Variants in PDK3 observed in about 807,000 individuals in gnomAD.
PDK3 encodes the protein pyruvate dehydrogenase kinase, isozyme 3.
A neutral mutation model predicts 32.0 loss-of-function variants in PDK3; 12 were observed. That is an observed-to-expected ratio of 0.37 (90% CI 0.24 to 0.61). The LOEUF (loss-of-function observed/expected upper bound fraction) is 0.61, where lower values mean the gene tolerates loss of function less well. Ranked by LOEUF, PDK3 falls within the 20% of genes least tolerant of loss-of-function variation. The pLI, the probability that PDK3 is intolerant of heterozygous loss-of-function variation, is 0.65. For missense variants in PDK3, 188 were observed against 316.9 expected (o/e 0.59, Z 3.09); for synonymous variants, 122 against 116.3 (o/e 1.05, Z -0.31).
chrX:24,522,927 A>T (rs1922433719), intron 6 of PDK3, among the ~76,000 whole-genome samples: 1 of 111,197 alleles, frequency 9.0e-6, no homozygotes, highest in South Asian at 3.8e-4. Flanking sequence ...AGAGGGGAAA[A>T]AAAGAAATAA....
chrX:24,466,517 T>C (rs1360022023), intron 1 of PDK3, among the ~76,000 whole-genome samples: 1 of 112,141 alleles, frequency 8.9e-6, no homozygotes, highest in Non-Finnish European at 1.9e-5. Flanking sequence ...ATTTAATGAA[T>C]TTTATGTAAA....
intron 1 of PDK3, among the ~76,000 whole-genome samples, chrX:24,483,731 G>T (rs1373997560): frequency 9.0e-6 from 1 of 111,575 alleles, no homozygotes. Context: ...GTGTGTATGT[G>T]ACACAGGCTC....
exon 12 of PDK3, chrX:24,539,932 T>C (rs1361668762): frequency 8.9e-6 from 1 of 112,432 alleles, no homozygotes; most frequent in Non-Finnish European, 1.9e-5. Context: ...GGAGTTTTTA[T>C]GCTTCTGTCA....
At chrX:24,483,974 A>G (rs1308130594) in intron 1 of PDK3, among the ~76,000 whole-genome samples, 1 of 109,730 alleles carries the variant, frequency 9.1e-6, no homozygotes, top group Non-Finnish European at 1.9e-5. Context: ...CCGGCCTACC[A>G]CTGGGATTAC....
At position 24,465,382 on chromosome X, in the gene PDK3, C is replaced by T. The variant is rs1357904640; in HGVS notation, c.-74C>T. 5.2e-6 allele frequency: 4 copies of T among 771,256 alleles called. No homozygotes were observed. The highest frequency in any genetic ancestry group is 7.5e-6 in the Non-Finnish European group (4 of 531,382). The allele number at this position is 771,256 out of a possible 1,213,427, so 63.6% of individuals were successfully genotyped here. A position where few individuals can be genotyped will look rare whatever the true frequency, so the allele number is the denominator to read the frequency against. On this transcript the variant is annotated 5_prime_UTR_variant, in exon 1 of 11. Coordinates refer to ENST00000379162, the MANE Select transcript of PDK3 (RefSeq NM_005391.5). ...TGCGCGCTTCGCAAACGTGCCCTAT[C>T]CGTGCGGCTTGGCTGCGCCAGCCCT...
At chrX:24,520,386 G>A (rs939399347) in intron 6 of PDK3, among the ~76,000 whole-genome samples, 2 of 111,345 alleles carry the variant, frequency 1.8e-5, no homozygotes, top group African/African-American at 3.3e-5. Context: ...AACGAATAAC[G>A]TATGGGAAAA....
In PDK3 at chrX:24,530,481, G is replaced by A. The variant is rs376622317; in HGVS notation, c.964-1176G>A. ...CTCTGAGGTCAGTTTTTTATCATAT[G>A]TTCAGATGAAAACATGGTCTCAAAG... On this transcript the variant is annotated intron_variant, in intron 9 of 10. Coordinates refer to ENST00000379162, the MANE Select transcript of PDK3 (RefSeq NM_005391.5). 1.2e-4 allele frequency among the ~76,000 whole-genome samples: 13 copies of A among 111,746 alleles called. No homozygotes were observed. In the East Asian group the frequency reaches 3.4e-3, roughly 29 times the overall value.
chrX:24,521,497 A>G (rs1439177763), intron 6 of PDK3, among the ~76,000 whole-genome samples: 2 of 110,770 alleles, frequency 1.8e-5, no homozygotes, highest in Middle Eastern at 4.2e-3. Flanking sequence ...ATATACTACC[A>G]GGACCGAGTG....
intron 1 of PDK3, among the ~76,000 whole-genome samples, chrX:24,479,807 A>G (rs964893751): frequency 2.7e-5 from 3 of 111,102 alleles, no homozygotes; most frequent in Non-Finnish European, 3.8e-5. Flanking sequence ...CAAAAAAAAA[A>G]GGACTTTATA....
chrX:24,488,200 G>A (rs1015400091), intron 1 of PDK3, among the ~76,000 whole-genome samples: 9 of 110,855 alleles, frequency 8.1e-5, no homozygotes, highest in East Asian at 2.8e-4. Flanking sequence ...CTAGCTAAAC[G>A]CTCTTGGCTA....
At chrX:24,506,795 T>C (rs955367054) in intron 5 of PDK3, among the ~76,000 whole-genome samples, 7 of 92,562 alleles carry the variant, frequency 7.6e-5, no homozygotes, top group Non-Finnish European at 1.1e-4. Flanking sequence ...TTTTGTTTTT[T>C]TCTTTCTTTT....
chrX:24,478,243 G>A (rs1480149092), intron 1 of PDK3, among the ~76,000 whole-genome samples: 5 of 110,869 alleles, frequency 4.5e-5, no homozygotes, highest in Non-Finnish European at 5.7e-5. Flanking sequence ...TCAGGAGTTC[G>A]AGACCAGCCT....
rs768844465 is a variant in PDK3 at position 24,544,279 on chromosome X, T to C, written c.*5115T>C. Among the ~76,000 whole-genome samples the C allele has an allele frequency of 2.7e-5, 3 of 111,122 alleles. No individual in the cohort carries two copies. In the South Asian group the frequency reaches 1.2e-3, roughly 43 times the overall value. On this transcript the variant is annotated 3_prime_UTR_variant, in exon 12 of 12. Transcript: ENST00000568479. ...CATTGGGAGACAGATCCTCTTTGCATTTCCCCATTCCCACTAGTCGTCATC... is the reference window on the plus strand; with the variant it reads ...CATTGGGAGACAGATCCTCTTTGCACTTCCCCATTCCCACTAGTCGTCATC...
exon 12 of PDK3, chrX:24,539,975 A>G (rs1270594049): frequency 2.7e-5 from 3 of 111,795 alleles, no homozygotes; most frequent in Non-Finnish European, 5.6e-5. Context: ...TACCTGTGTC[A>G]TATTTTATTC....
At chrX:24,514,016 A>G (rs768603324) in intron 5 of PDK3, among the ~76,000 whole-genome samples, 4 of 111,238 alleles carry the variant, frequency 3.6e-5, no homozygotes, top group Non-Finnish European at 7.5e-5. Flanking sequence ...TTCAGCACTC[A>G]CTCAAATTCA....
downstream of PDK3, among the ~76,000 whole-genome samples, chrX:24,538,435 G>A (rs1200181228): frequency 8.9e-6 from 1 of 112,073 alleles, no homozygotes. Flanking sequence ...GTTTCTAAGT[G>A]AGAGTTTTAT....
chrX:24,525,429 A>G (rs1008983914), intron 6 of PDK3, among the ~76,000 whole-genome samples: 10 of 112,131 alleles, frequency 8.9e-5, no homozygotes, highest in Non-Finnish European at 1.9e-4. Flanking sequence ...AATTTGTATT[A>G]CTGTTAATTA....
At chrX:24,498,958 A>C (rs749404210) in intron 3 of PDK3, 58 bp downstream of exon 3, 6 of 733,827 alleles carry the variant, frequency 8.2e-6, no homozygotes. Context: ...AGATTTTGGT[A>C]AATGTAATTC....
chrX:24,476,259 T>G (rs1335430796), intron 1 of PDK3, among the ~76,000 whole-genome samples: 2 of 111,002 alleles, frequency 1.8e-5, no homozygotes, highest in Non-Finnish European at 3.8e-5. Context: ...CATCCATGGA[T>G]TCAATCAACC....
Sources: allele counts gnomAD v4.1 joint callset (sites outside exome capture counted in the v4.1 genomes callset), GRCh38; gene constraint gnomAD v4.1.1; transcripts MANE v1.5; gene names NCBI Gene and HGNC (gene_info 2026-07-23, HGNC 2026-07-21).